Variants in RASA2 observed in about 807,000 individuals in gnomAD.
RASA2 encodes the protein RAS p21 protein activator 2.
Under a neutral mutation model 118.2 loss-of-function variants are expected in RASA2, and 155 were observed. That is an observed-to-expected ratio of 1.31 (90% CI 1.15 to 1.50). The LOEUF (loss-of-function observed/expected upper bound fraction) is 1.50, where lower values mean the gene tolerates loss of function less well. Ranked by LOEUF, RASA2 falls within the 40% of genes most tolerant of loss-of-function variation. The pLI is 0.00. For synonymous variants in RASA2, 353 were observed against 349.1 expected (o/e 1.01, Z -0.12); for missense variants, 1,016 against 1,009.6 (o/e 1.01, Z -0.09).
rs1252827894 is a variant in RASA2 at position 141,553,954 on chromosome 3, AATT to A, written c.611+22_611+24del. On this transcript the variant is annotated intron_variant, in intron 6 of 23. Coordinates refer to ENST00000286364, the MANE Select transcript of RASA2 (RefSeq NM_006506.5). ...GGGCCCTTCTAGGTAATATTTATTG[AATT>A]ATTATTAGGTTTTAAAGTTTTGATG... The A allele has an allele frequency of 3.8e-6, 6 of 1,596,512 alleles. No individual in the cohort carries two copies. The highest frequency in any genetic ancestry group is 5.1e-6 in the Non-Finnish European group (6 of 1,174,268).
chr3:141,502,671 T>C (rs542984512), intron 1 of RASA2, among the ~76,000 whole-genome samples: 3 of 152,294 alleles, frequency 2.0e-5, no homozygotes, highest in Admixed American at 6.5e-5. Flanking sequence ...ATAATATATA[T>C]GAAGTCAATG....
intron 17 of RASA2, among the ~76,000 whole-genome samples, chr3:141,581,461 G>C (rs2083112469): frequency 6.6e-6 from 1 of 152,148 alleles, no homozygotes; most frequent in Admixed American, 6.5e-5. Flanking sequence ...TTGGCATTTG[G>C]GGCCAGATAA....
At position 141,571,069 on chromosome 3, in the gene RASA2, G is replaced by A; in HGVS notation, c.1020+1G>A. Reference sequence around the variant, plus strand: ...GCTGCTAAAATCACCAGATGTTCAAGTATGTTAAGAATCTTAAGGATATGA... The same window carrying A: ...GCTGCTAAAATCACCAGATGTTCAAATATGTTAAGAATCTTAAGGATATGA... On this transcript the variant is annotated splice_donor_variant, in intron 10 of 23. Transcript: ENST00000286364. LOFTEE classifies it high-confidence loss of function. 1 of 1,595,234 alleles carries A rather than the reference G, an allele frequency of 6.3e-7. No individual in the cohort carries two copies. The highest frequency in any genetic ancestry group is 1.2e-5 in the South Asian group (1 of 86,752).
chr3:141,495,858 T>A (rs1324163573), intron 1 of RASA2, among the ~76,000 whole-genome samples: 1 of 152,234 alleles, frequency 6.6e-6, no homozygotes, highest in Non-Finnish European at 1.5e-5. Context: ...ACGTATTCTA[T>A]AGCAACTAAA....
chr3:141,607,987 C>T (rs1455345485), intron 20 of RASA2, among the ~76,000 whole-genome samples: 3 of 151,982 alleles, frequency 2.0e-5, no homozygotes. Context: ...TTGTTGATGC[C>T]TCATATAGCT....
chr3:141,507,066 A>G lies in RASA2; in HGVS notation c.134-5097A>G, dbSNP rs150624982. Among the ~76,000 whole-genome samples, 619 of 152,354 alleles carry G rather than the reference A, an allele frequency of 4.1e-3. 5 individuals carry two copies. Among genetic ancestry groups the G allele is most frequent in the African/African-American group, 0.014 (591 of 41,586 alleles). On this transcript the variant is annotated intron_variant, in intron 1 of 23. Coordinates refer to ENST00000286364, the MANE Select transcript of RASA2 (RefSeq NM_006506.5). ...TTTGTGAAGGTAGATACAACTATAT[A>G]TGGAGTTAAGATCCATTTCCCAAGT...
chr3:141,547,050 G>C (rs2151108008), intron 5 of RASA2, among the ~76,000 whole-genome samples: 1 of 152,098 alleles, frequency 6.6e-6, no homozygotes, highest in South Asian at 2.1e-4. Context: ...ATGATCTGTT[G>C]GTCTATGTGT....
chr3:141,512,185 A>AT lies in RASA2; in HGVS notation c.157dup (p.Tyr53LeufsTer37). On this transcript the variant is annotated frameshift_variant, in exon 2 of 24. Coordinates refer to ENST00000286364, the MANE Select transcript of RASA2 (RefSeq NM_006506.5). LOFTEE classifies it high-confidence loss of function. ...CAGGTGAAGCAAAAAATTTATTGCC[A>AT]TATCTTGGACCCCACAAAATGAGAG... 1 of 1,607,742 alleles carries AT rather than the reference A, an allele frequency of 6.2e-7. No homozygotes were observed. The highest frequency in any genetic ancestry group is 8.5e-7 in the Non-Finnish European group (1 of 1,178,226).
At chr3:141,540,433 G>C in intron 4 of RASA2, 100 bp from the exon 5 acceptor site, 2 of 864,540 alleles carry the variant, frequency 2.3e-6, no homozygotes, top group Non-Finnish European at 3.7e-6. Flanking sequence ...ATGTGCTAGT[G>C]GTCAGTGGAT....
At chr3:141,556,177 G>A (rs1400315361) in intron 7 of RASA2, among the ~76,000 whole-genome samples, 1 of 152,150 alleles carries the variant, frequency 6.6e-6, no homozygotes, top group Non-Finnish European at 1.5e-5. Context: ...CCCTTCCTTT[G>A]CACCCTCCCT....
chr3:141,496,103 C>G (rs2081698292), intron 1 of RASA2, among the ~76,000 whole-genome samples: 1 of 152,190 alleles, frequency 6.6e-6, no homozygotes, highest in South Asian at 2.1e-4. Flanking sequence ...GCTGGGAAAA[C>G]TGGCTAGGCA....
chr3:141,532,442 A>T (rs1461895319), intron 4 of RASA2, among the ~76,000 whole-genome samples: 1 of 152,194 alleles, frequency 6.6e-6, no homozygotes, highest in East Asian at 1.9e-4. Context: ...TTGGAATGTC[A>T]TCATAGGAAC....
At chr3:141,556,797 C>T (rs1379361209) in intron 7 of RASA2, among the ~76,000 whole-genome samples, 1 of 151,878 alleles carries the variant, frequency 6.6e-6, no homozygotes, top group East Asian at 1.9e-4. Context: ...ATAACGGTAC[C>T]TCTAGTCATG....
chr3:141,552,286 G>A (rs2082586640), intron 5 of RASA2, among the ~76,000 whole-genome samples: 1 of 152,142 alleles, frequency 6.6e-6, no homozygotes, highest in African/African-American at 2.4e-5. Flanking sequence ...GTTTATGTGA[G>A]ATAAATGTGG....
rs2082966364 is a variant in RASA2, at chr3:141,573,965, G to C, written c.1381G>C (p.Asp461His). 3 of 1,587,588 alleles carry C rather than the reference G, an allele frequency of 1.9e-6. No homozygotes were observed. The highest frequency in any genetic ancestry group is 2.6e-6 in the Non-Finnish European group (3 of 1,164,004). Residue 461 changes from aspartate to histidine, a missense_variant, in exon 14 of 24, where the codon GAC becomes CAC. Coordinates refer to ENST00000286364, the MANE Select transcript of RASA2 (RefSeq NM_006506.5). ...GCAGGAGAATCTGCGCTACTATGTA[G>C]ACAAGTTATTCAATACAATTGTAAA... ...NNKENLRYYV[D>H]KLFNTIVKSS...
At position 141,565,631 on chromosome 3, in the gene RASA2, C is replaced by A. The variant is rs529059676; in HGVS notation, c.864-5281C>A. ...GCTCTCTTGCCTGCCGCATGTAAGA[C>A]GTCCCTTTACTCTTCTTTGTCTTCT... On this transcript the variant is annotated intron_variant, in intron 9 of 23. Coordinates refer to ENST00000286364, the MANE Select transcript of RASA2 (RefSeq NM_006506.5). Among the ~76,000 whole-genome samples the A allele has an allele frequency of 3.3e-5, 5 of 152,294 alleles. No individual in the cohort carries two copies. In the East Asian group the frequency reaches 9.6e-4, roughly 29 times the overall value.
At chr3:141,542,753 TATCTCTC>T (rs2082423204) in intron 5 of RASA2, among the ~76,000 whole-genome samples, 1 of 152,304 alleles carries the variant, frequency 6.6e-6, no homozygotes, top group South Asian at 2.1e-4. Flanking sequence ...ACCATAAAGA[TATCTCTC>T]ATCCCATAGC....
At chr3:141,562,367 TA>T (rs1391594359) in intron 9 of RASA2, among the ~76,000 whole-genome samples, 1 of 148,608 alleles carries the variant, frequency 6.7e-6, no homozygotes, top group African/African-American at 2.5e-5. Flanking sequence ...CTCAAGCCTG[TA>T]ATCCCAGCAC....
intron 15 of RASA2, among the ~76,000 whole-genome samples, chr3:141,577,426 G>T (rs1341916597): frequency 6.6e-6 from 1 of 151,866 alleles, no homozygotes; most frequent in Non-Finnish European, 1.5e-5. Context: ...TTTTTCATTA[G>T]TTACAGGTTT....
Sources: allele counts gnomAD v4.1 joint callset (sites outside exome capture counted in the v4.1 genomes callset), GRCh38; gene constraint gnomAD v4.1.1; transcripts MANE v1.5; gene names NCBI Gene and HGNC (gene_info 2026-07-23, HGNC 2026-07-21).